SLC44A5: variants seen among roughly 807,000 people sequenced by gnomAD.
SLC44A5 encodes the protein choline transporter-like protein 5.
A neutral mutation model predicts 101.8 loss-of-function variants in SLC44A5; 57 were observed. The observed-to-expected ratio is 0.56, with a 90% CI of 0.45 to 0.70. The LOEUF (loss-of-function observed/expected upper bound fraction) is 0.70, where lower values mean the gene tolerates loss of function less well. Ranked by LOEUF, SLC44A5 falls within the 30% of genes least tolerant of loss-of-function variation. The pLI is 0.00. For synonymous variants in SLC44A5, 281 were observed against 290.9 expected (o/e 0.97, Z 0.35); for missense variants, 737 against 853.1 (o/e 0.86, Z 1.70).
the SLC44A5 span, among the ~76,000 whole-genome samples, chr1:75,708,352 T>G: frequency 3.0e-5 from 4 of 132,092 alleles, no homozygotes. Context: ...AGGTGGAGGT[T>G]TCAGTGAGCC....
Position 75,218,580 on chromosome 1 carries a change from G to GC in SLC44A5, c.1438dup (p.Ala480GlyfsTer15). The GC allele has an allele frequency of 6.2e-7, 1 of 1,613,834 alleles. No individual in the cohort carries two copies. The highest frequency in any genetic ancestry group is 8.5e-7 in the Non-Finnish European group (1 of 1,179,786). On this transcript the variant is annotated frameshift_variant, in exon 17 of 24. Transcript: ENST00000370859. LOFTEE classifies it high-confidence loss of function. ...CCAGTAATAAGTAGCGAATGCACCA[G>GC]CAAGGGCGCACTGACCTAATGCAAT...
chr1:75,512,251 A>C (rs1025138158), intron 2 of SLC44A5, among the ~76,000 whole-genome samples: 2 of 152,240 alleles, frequency 1.3e-5, no homozygotes, highest in South Asian at 4.1e-4. Flanking sequence ...GACTGACTGC[A>C]GTTCAATAAA....
At chr1:75,383,931 C>T (rs982538910) in intron 3 of SLC44A5, among the ~76,000 whole-genome samples, 9 of 151,790 alleles carry the variant, frequency 5.9e-5, no homozygotes, top group Non-Finnish European at 8.8e-5. Context: ...AATTGTCAAC[C>T]CAGAATTTCA....
intron 4 of SLC44A5, among the ~76,000 whole-genome samples, chr1:75,312,415 A>C (rs1251114413): frequency 2.0e-5 from 3 of 152,094 alleles, no homozygotes; most frequent in Non-Finnish European, 4.4e-5. Context: ...CTTAATCTCC[A>C]ATGCAACAGT....
At chr1:75,597,623 G>A (rs987662779) in intron 1 of SLC44A5, among the ~76,000 whole-genome samples, 1 of 152,106 alleles carries the variant, frequency 6.6e-6, no homozygotes, top group African/African-American at 2.4e-5. Context: ...GAACAGAATA[G>A]AGAACCTAGA....
chr1:75,563,514 G>C (rs992549804), intron 1 of SLC44A5, among the ~76,000 whole-genome samples: 3 of 151,588 alleles, frequency 2.0e-5, no homozygotes, highest in African/African-American at 7.3e-5. Flanking sequence ...ATGCCATTTA[G>C]AAAAATTATT....
intron 7 of SLC44A5, among the ~76,000 whole-genome samples, chr1:75,244,270 C>T (rs552562489): frequency 3.3e-5 from 5 of 152,162 alleles, no homozygotes; most frequent in Non-Finnish European, 5.9e-5. Flanking sequence ...GTGCGTAGTT[C>T]TATGCCATTT....
the SLC44A5 span, among the ~76,000 whole-genome samples, chr1:75,695,880 T>G: frequency 6.6e-6 from 1 of 150,742 alleles, no homozygotes; most frequent in South Asian, 2.1e-4. Flanking sequence ...TGAAAGGAAT[T>G]TCAAAGTTAA....
chr1:75,244,190 A>T (rs139214393), intron 7 of SLC44A5, among the ~76,000 whole-genome samples: 3 of 152,220 alleles, frequency 2.0e-5, no homozygotes, highest in Non-Finnish European at 4.4e-5. Context: ...AGAGTAAGAC[A>T]GTTAGAAGAC....
At chr1:75,564,596 T>TTAAAATA (rs1672687743) in intron 1 of SLC44A5, among the ~76,000 whole-genome samples, 1 of 146,170 alleles carries the variant, frequency 6.8e-6, no homozygotes, top group Non-Finnish European at 1.5e-5. Flanking sequence ...TTTACTTTTT[T>TTAAAATA]TTTAATTTTT....
chr1:75,582,377 C>T (rs979122899), intron 1 of SLC44A5: 11 of 894,490 alleles, frequency 1.2e-5, no homozygotes, highest in African/African-American at 4.9e-5. Context: ...CAAGCTCCAT[C>T]GACTTGCCCA....
At chr1:75,430,753 A>T (rs1664569729) in intron 2 of SLC44A5, among the ~76,000 whole-genome samples, 1 of 152,174 alleles carries the variant, frequency 6.6e-6, no homozygotes, top group Admixed American at 6.5e-5. Context: ...CACATCAGGA[A>T]ATCTCACCCA....
At chr1:75,521,970 T>C (rs1670154070) in intron 2 of SLC44A5, 1 of 152,272 alleles carries the variant, frequency 6.6e-6, no homozygotes, top group Non-Finnish European at 1.5e-5. Context: ...GAAAAAGACA[T>C]ACTCTGAAGA....
chr1:75,562,514 A>G (rs951716311), intron 1 of SLC44A5, among the ~76,000 whole-genome samples: 1 of 152,022 alleles, frequency 6.6e-6, no homozygotes, highest in Admixed American at 6.5e-5. Context: ...CCTGGGCAAC[A>G]TGGAGAACCC....
intron 3 of SLC44A5, among the ~76,000 whole-genome samples, chr1:75,352,636 TATG>T (rs1658770314): frequency 6.6e-6 from 1 of 152,052 alleles, no homozygotes; most frequent in South Asian, 2.1e-4. Context: ...AGCTTGATAA[TATG>T]ATGTCTTGAC....
At chr1:75,531,904 T>C (rs1292120063) in intron 2 of SLC44A5, among the ~76,000 whole-genome samples, 2 of 152,218 alleles carry the variant, frequency 1.3e-5, no homozygotes, top group Non-Finnish European at 2.9e-5. Context: ...AGGCACAGAA[T>C]GCTGGGAGCC....
intron 2 of SLC44A5, among the ~76,000 whole-genome samples, chr1:75,424,452 C>T (rs914108705): frequency 1.7e-4 from 26 of 152,124 alleles, no homozygotes; most frequent in Admixed American, 6.5e-4. Context: ...ACTACAGGCA[C>T]GTGCCACTGC....
the SLC44A5 span, among the ~76,000 whole-genome samples, chr1:75,687,234 C>G: frequency 6.6e-6 from 1 of 152,140 alleles, no homozygotes; most frequent in Admixed American, 6.5e-5. Context: ...AGCACCATGA[C>G]AGTTACAGGA....
At chr1:75,437,411 C>T (rs79810704) in intron 2 of SLC44A5, among the ~76,000 whole-genome samples, 2,692 of 152,208 alleles carry the variant, frequency 0.018, 85 homozygotes, top group African/African-American at 0.061. Flanking sequence ...TTATGCAGCA[C>T]ATGACTGTAC....
Sources: gnomAD v4.1 joint callset for allele counts (sites outside exome capture counted in the v4.1 genomes callset) on GRCh38, gnomAD v4.1.1 for gene constraint, MANE v1.5 for transcripts, NCBI Gene and HGNC (gene_info 2026-07-23, HGNC 2026-07-21) for gene names.